The following GPR155 variants were observed in gnomAD, a reference collection of about 807,000 sequenced individuals.
GPR155 encodes the protein G protein-coupled receptor 155.
A neutral mutation model predicts 93.1 loss-of-function variants in GPR155; 65 were observed. That is an observed-to-expected ratio of 0.70 (90% CI 0.57 to 0.86). The LOEUF is 0.86. Among genes scored for constraint, GPR155 ranks in the 40% least tolerant of loss-of-function variants. GPR155 has a pLI of 0.00. For missense variants in GPR155, 838 were observed against 1,034.8 expected, an observed-to-expected ratio of 0.81 and a Z score of 2.61; for synonymous variants, 319 against 360.1, an observed-to-expected ratio of 0.89 and a Z score of 1.29.
chr2:174,439,306 G>A (rs1379092772), intron 15 of GPR155, among the ~76,000 whole-genome samples: 1 of 151,856 alleles, frequency 6.6e-6, no homozygotes, highest in Non-Finnish European at 1.5e-5. Context: ...TTTATTCAAA[G>A]TTCATAATTT....
intron 5 of GPR155, among the ~76,000 whole-genome samples, 167 bp downstream of exon 5, chr2:174,468,745 T>C (rs538449194): frequency 6.6e-5 from 10 of 152,302 alleles, no homozygotes; most frequent in African/African-American, 2.2e-4. Context: ...AACTCCCAAA[T>C]AGAAAAACAA....
At chr2:174,442,866 C>A (rs1687007556) in intron 13 of GPR155, among the ~76,000 whole-genome samples, 1 of 152,148 alleles carries the variant, frequency 6.6e-6, no homozygotes, top group African/African-American at 2.4e-5. Flanking sequence ...ATGAGCTTAC[C>A]ATACCACCTC....
At chr2:174,462,388 G>A (rs966559841) in intron 7 of GPR155, among the ~76,000 whole-genome samples, 13 of 152,002 alleles carry the variant, frequency 8.6e-5, no homozygotes, top group Non-Finnish European at 1.5e-5. Flanking sequence ...TTGGTTCACT[G>A]CAACCTCTGC....
intron 2 of GPR155, among the ~76,000 whole-genome samples, chr2:174,474,480 C>T (rs1196673062): frequency 6.6e-6 from 1 of 152,166 alleles, no homozygotes; most frequent in Non-Finnish European, 1.5e-5. Flanking sequence ...CAAATTCAAC[C>T]ATACCCTCTT....
At chr2:174,483,208 A>G (rs1688379743) in intron 1 of GPR155, 1 of 89,882 alleles carries the variant, frequency 1.1e-5, no homozygotes, top group Non-Finnish European at 2.7e-5. Context: ...AATAACTATA[A>G]TTACTTATAC....
At chr2:174,440,857 G>A (rs1686937462) in intron 14 of GPR155, among the ~76,000 whole-genome samples, 1 of 152,084 alleles carries the variant, frequency 6.6e-6, no homozygotes, top group African/African-American at 2.4e-5. Flanking sequence ...TCACTAAGCT[G>A]ATAAAAAAAC....
intron 2 of GPR155, among the ~76,000 whole-genome samples, chr2:174,479,104 A>G (rs1175981296): frequency 1.3e-5 from 2 of 152,244 alleles, no homozygotes; most frequent in South Asian, 2.1e-4. Context: ...CTCGAAATCA[A>G]CAAACAACCA....
Position 174,436,312 on chromosome 2 carries a change from C to A in GPR155, c.2417G>T (p.Gly806Val). 1 of 1,614,146 alleles carries A rather than the reference C, an allele frequency of 6.2e-7. No homozygotes were observed. ...GACTCCCCCTTGTACCAGCCTGTCT[C>A]CGTATATCACAGCTTCACCACGGTC... ...ASDRGEAVIY[G>V]DRLVQGGVIQ... The change falls in exon 16 of 16, where the codon GGA becomes GTA. Residue 806 changes from glycine to valine, a missense_variant. By Grantham distance (109) the Gly-to-Val change is moderately radical (BLOSUM62 -3). Coordinates refer to ENST00000392552, the MANE Select transcript of GPR155 (RefSeq NM_152529.7).
intron 10 of GPR155, among the ~76,000 whole-genome samples, chr2:174,458,500 C>T (rs1243281524): frequency 6.6e-6 from 1 of 152,160 alleles, no homozygotes; most frequent in Non-Finnish European, 1.5e-5. Flanking sequence ...GGAAGTTGTT[C>T]TCAGTTTCTC....
intron 2 of GPR155, among the ~76,000 whole-genome samples, chr2:174,479,256 TTAAC>T (rs1323733967): frequency 6.6e-6 from 1 of 152,164 alleles, no homozygotes; most frequent in Non-Finnish European, 1.5e-5. Context: ...TGACAATAGA[TTAAC>T]TATTCTAATA....
At position 174,460,102 on chromosome 2, in the gene GPR155, A is replaced by G. The variant is rs1687642516; in HGVS notation, c.1561-14T>C. 1.2e-6 allele frequency: 2 copies of G among 1,603,178 alleles called. No homozygotes were observed. The highest frequency in any genetic ancestry group is 2.2e-5 in the East Asian group (1 of 44,800). On this transcript the variant is annotated splice_polypyrimidine_tract_variant and intron_variant, in intron 9 of 15. Coordinates refer to ENST00000392552, the MANE Select transcript of GPR155 (RefSeq NM_152529.7). ...TGTGGTGATCATCTGCCGACATGAA[A>G]AAAAGATATCAGGCCACTTTTCACA...
intron 7 of GPR155, among the ~76,000 whole-genome samples, chr2:174,463,649 C>CA (rs1234122807): frequency 6.6e-6 from 1 of 151,980 alleles, no homozygotes; most frequent in Non-Finnish European, 1.5e-5. Flanking sequence ...AAAGGCAAGG[C>CA]AAAAAAGCCA....
intron 14 of GPR155, among the ~76,000 whole-genome samples, chr2:174,441,048 T>C (rs996274874): frequency 6.6e-6 from 1 of 152,224 alleles, no homozygotes; most frequent in South Asian, 2.1e-4. Flanking sequence ...ATAGCATAGA[T>C]AGAAATCAAT....
intron 11 of GPR155, among the ~76,000 whole-genome samples, chr2:174,448,940 A>G (rs1334282501): frequency 2.0e-5 from 3 of 152,224 alleles, no homozygotes; most frequent in African/African-American, 7.2e-5. Context: ...CTATGAACAG[A>G]GTAGACAGAC....
intron 5 of GPR155, among the ~76,000 whole-genome samples, chr2:174,468,025 G>T (rs538991251): frequency 6.6e-6 from 1 of 152,164 alleles, no homozygotes; most frequent in South Asian, 2.1e-4. Context: ...CATGAGCCAC[G>T]GTGCCAGATC....
In GPR155 at chr2:174,475,877, CAAT is replaced by C. The variant is rs993529573; in HGVS notation, c.461-2516_461-2514del. On this transcript the variant is annotated intron_variant, in intron 2 of 15. Coordinates refer to ENST00000392552, the MANE Select transcript of GPR155 (RefSeq NM_152529.7). ...CAGAATTTTTCCTAACCAGCCACAACAATAAGATGCATAACATGTTTTCCTTTG... is the reference window on the plus strand; with the variant it reads ...CAGAATTTTTCCTAACCAGCCACAACAAGATGCATAACATGTTTTCCTTTG... Among the ~76,000 whole-genome samples the C allele has an allele frequency of 3.0e-4, 46 of 152,272 alleles. 1 individual carries two copies. Among genetic ancestry groups the C allele is most frequent in the African/African-American group, 1.0e-3 (42 of 41,550 alleles).
chr2:174,449,863 C>G (rs1391373381), intron 11 of GPR155, among the ~76,000 whole-genome samples: 6 of 152,176 alleles, frequency 3.9e-5, no homozygotes, highest in Non-Finnish European at 8.8e-5. Flanking sequence ...GTAGTCCCAG[C>G]TACTCGGGAG....
At chr2:174,442,605 T>C (rs1686999333) in intron 13 of GPR155, among the ~76,000 whole-genome samples, 1 of 152,226 alleles carries the variant, frequency 6.6e-6, no homozygotes, top group East Asian at 1.9e-4. Context: ...ACAGAATTTA[T>C]GTAAAGTGAA....
At chr2:174,475,869 A>C (rs1688153638) in intron 2 of GPR155, among the ~76,000 whole-genome samples, 1 of 152,210 alleles carries the variant, frequency 6.6e-6, no homozygotes, top group Admixed American at 6.5e-5. Flanking sequence ...TTTCCTAACC[A>C]GCCACAACAA....
Sources: gnomAD v4.1 joint callset for allele counts (sites outside exome capture counted in the v4.1 genomes callset) on GRCh38, gnomAD v4.1.1 for gene constraint, MANE v1.5 for transcripts, NCBI Gene and HGNC (gene_info 2026-07-23, HGNC 2026-07-21) for gene names.